FNIP1: variants seen among roughly 807,000 people sequenced by gnomAD.
FNIP1 encodes the protein folliculin interacting protein 1, also known as folliculin-interacting protein 1.
FNIP1 carries 40 observed loss-of-function variants against 124.5 expected under a neutral mutation model. The observed-to-expected ratio is 0.32, with a 90% CI of 0.25 to 0.42. The LOEUF (loss-of-function observed/expected upper bound fraction) is 0.42. Ranked by LOEUF, FNIP1 falls within the 10% of genes least tolerant of loss-of-function variation. The pLI is 1.00. For missense variants in FNIP1, 1,176 were observed against 1,403.7 expected (o/e 0.84, Z 2.59); for synonymous variants, 472 against 470.6 (o/e 1.00, Z -0.04).
chr5:131,690,092 G>A (rs1407227924), intron 11 of FNIP1, among the ~76,000 whole-genome samples: 5 of 151,950 alleles, frequency 3.3e-5, no homozygotes, highest in Admixed American at 6.6e-5. Flanking sequence ...GCATGGTGGC[G>A]GGTGCCTGGA....
At chr5:131,673,051 G>GTTTT in intron 13 of FNIP1, 127 bp from the exon 14 acceptor site, 7 of 482,174 alleles carry the variant, frequency 1.5e-5, no homozygotes, top group South Asian at 4.1e-5. Flanking sequence ...TCGTTTTTTT[G>GTTTT]TTTTTTTTTT....
rs544752057 is a variant in FNIP1 at position 131,648,001 on chromosome 5, T to C, written c.3307-796A>G. On this transcript the variant is annotated intron_variant, in intron 16 of 17. Coordinates refer to ENST00000510461, the MANE Select transcript of FNIP1 (RefSeq NM_133372.3). ...GTTTGCAAAAGTTCACAAAGAATGC[T>C]ATGTGGTTCCCCAATTTCTAAGCTG... 4.5e-4 allele frequency among the ~76,000 whole-genome samples: 68 copies of C among 151,934 alleles called. 1 individual carries two copies. The highest frequency in any genetic ancestry group is 1.8e-4 in the Non-Finnish European group (12 of 67,984).
chr5:131,713,100 G>A (rs957407334), intron 6 of FNIP1, among the ~76,000 whole-genome samples: 1 of 152,054 alleles, frequency 6.6e-6, no homozygotes, highest in East Asian at 1.9e-4. Context: ...TCAGGCTGGA[G>A]TGCAGTGGCA....
chr5:131,778,744 C>G (rs1405052314), intron 1 of FNIP1, among the ~76,000 whole-genome samples: 8 of 115,050 alleles, frequency 7.0e-5, no homozygotes, highest in South Asian at 3.1e-4. Flanking sequence ...TTGGAACCAA[C>G]CCAAATGTCC....
chr5:131,719,857 A>G (rs1769598838), intron 3 of FNIP1, among the ~76,000 whole-genome samples: 1 of 152,234 alleles, frequency 6.6e-6, no homozygotes, highest in Non-Finnish European at 1.5e-5. Context: ...TGTATATAAG[A>G]AGCATCCATA....
chr5:131,728,096 G>A (rs987128175), intron 3 of FNIP1, among the ~76,000 whole-genome samples: 5 of 151,894 alleles, frequency 3.3e-5, no homozygotes, highest in African/African-American at 7.3e-5. Context: ...GTTTCTCTCC[G>A]GCTGCCCTTA....
chr5:131,651,270 G>A (rs565777845), intron 16 of FNIP1, among the ~76,000 whole-genome samples: 2 of 152,290 alleles, frequency 1.3e-5, no homozygotes, highest in African/African-American at 2.4e-5. Context: ...GCACGTGCCT[G>A]TAGTTCCTCC....
intron 11 of FNIP1, among the ~76,000 whole-genome samples, chr5:131,693,774 TAAG>T (rs1768595821): frequency 6.6e-6 from 1 of 151,952 alleles, no homozygotes; most frequent in Non-Finnish European, 1.5e-5. Context: ...GACACTATTA[TAAG>T]AAGAAGCCAC....
chr5:131,726,862 G>C (rs1380386113), intron 3 of FNIP1, among the ~76,000 whole-genome samples: 1 of 151,848 alleles, frequency 6.6e-6, no homozygotes, highest in African/African-American at 2.4e-5. Context: ...GGTATGGTGT[G>C]TCTTTGTTCA....
intron 1 of FNIP1, among the ~76,000 whole-genome samples, chr5:131,765,678 T>C (rs978077991): frequency 6.6e-6 from 1 of 152,272 alleles, no homozygotes; most frequent in Non-Finnish European, 1.5e-5. Context: ...TCTGTTCCAA[T>C]GGTTTATCTT....
intron 1 of FNIP1, among the ~76,000 whole-genome samples, chr5:131,785,737 G>A (rs1772193166): frequency 6.6e-6 from 1 of 152,134 alleles, no homozygotes; most frequent in East Asian, 1.9e-4. Context: ...GGGTGCAGTG[G>A]TATACACTTG....
rs77483836 is a variant in FNIP1, at chr5:131,646,942, T to C, written c.3422+148A>G. Reference sequence around the variant, plus strand: ...TAGTGGATGACAGGGAACCTGCTATTACATGGTACAGGGCAACCTAAATGA... The same window carrying C: ...TAGTGGATGACAGGGAACCTGCTATCACATGGTACAGGGCAACCTAAATGA... On this transcript the variant is annotated intron_variant, in intron 17 of 17. Transcript: ENST00000510461. 4,983 of 631,222 alleles carry C rather than the reference T, an allele frequency of 7.9e-3. 32 individuals are homozygous for C. The highest frequency in any genetic ancestry group is 0.011 in the Non-Finnish European group (3,741 of 354,528). 39.1% of individuals were successfully genotyped at this position (631,222 alleles called of 1,614,324 possible). A position where few individuals can be genotyped will look rare whatever the true frequency, so the allele number is the denominator to read the frequency against.
At position 131,671,545 on chromosome 5, in the gene FNIP1, G is replaced by C; in HGVS notation, c.2899C>G (p.Gln967Glu). The C allele has an allele frequency of 1.2e-6, 2 of 1,612,526 alleles. No individual in the cohort carries two copies. The highest frequency in any genetic ancestry group is 1.7e-6 in the Non-Finnish European group (2 of 1,179,922). The change falls in exon 14 of 18, where the codon CAA (glutamine) becomes GAA (glutamate). Residue 967 changes from glutamine to glutamate, a missense_variant. Physicochemically the swap from Gln to Glu is conservative, Grantham distance 29 (BLOSUM62 2). Transcript: ENST00000510461. Reference sequence around the variant, plus strand: ...TCATCCTCTTCTGCCCAATCTTCTTGCTCTCCTCCATAATAACTGCTAACT... The same window carrying C: ...TCATCCTCTTCTGCCCAATCTTCTTCCTCTCCTCCATAATAACTGCTAACT... ...RQVSSYYGGEQEDWAEEDEIP... is the reference protein window; with the variant it reads ...RQVSSYYGGEEEDWAEEDEIP...
intron 1 of FNIP1, among the ~76,000 whole-genome samples, chr5:131,745,289 T>C (rs972911599): frequency 6.6e-6 from 1 of 152,026 alleles, no homozygotes; most frequent in East Asian, 1.9e-4. Context: ...GAGTTCAAGG[T>C]AGGAGGATCA....
intron 1 of FNIP1, among the ~76,000 whole-genome samples, chr5:131,745,471 G>T (rs2149561312): frequency 6.6e-6 from 1 of 152,152 alleles, no homozygotes; most frequent in Non-Finnish European, 1.5e-5. Context: ...AGCAAGCTGT[G>T]ATCATGCCAC....
rs1158605314 is a variant in FNIP1, at chr5:131,643,476, T to C, written c.*1209A>G. 6.5e-6 allele frequency: 1 copy of C among 152,734 alleles called. No individual in the cohort carries two copies. The highest frequency in any genetic ancestry group is 2.1e-4 in the South Asian group (1 of 4,822). The allele number at this position is 152,734 out of a possible 1,614,324, so 9.5% of individuals were successfully genotyped here. A position where few individuals can be genotyped will look rare whatever the true frequency, so the allele number is the denominator to read the frequency against. ...GTAGTACTCAAGTAAACTGAGGTAGTAGAAAGTATTGAAAACTTTATCCAC... is the reference window on the plus strand; with the variant it reads ...GTAGTACTCAAGTAAACTGAGGTAGCAGAAAGTATTGAAAACTTTATCCAC... On this transcript the variant is annotated 3_prime_UTR_variant, in exon 18 of 18. Transcript: ENST00000510461.
intron 1 of FNIP1, among the ~76,000 whole-genome samples, chr5:131,773,938 T>C (rs1771722391): frequency 6.6e-6 from 1 of 152,216 alleles, no homozygotes; most frequent in African/African-American, 2.4e-5. Context: ...CCCAGTACAG[T>C]GGCTGGCATT....
intron 2 of FNIP1, among the ~76,000 whole-genome samples, chr5:131,731,851 T>TA (rs141275627): frequency 0.087 from 13,180 of 152,132 alleles, 1,249 homozygotes; most frequent in African/African-American, 0.24. Context: ...AACACTGTTA[T>TA]AAAAAATAAC....
chr5:131,706,644 T>C (rs1580772107), intron 8 of FNIP1, 98 bp from the exon 9 acceptor site: 1 of 1,264,936 alleles, frequency 7.9e-7, no homozygotes, highest in Non-Finnish European at 1.0e-6. Context: ...AGTTAAACTT[T>C]ATTTTGCTTC....
Sources: gnomAD v4.1 joint callset for allele counts (sites outside exome capture counted in the v4.1 genomes callset) on GRCh38, gnomAD v4.1.1 for gene constraint, MANE v1.5 for transcripts, NCBI Gene and HGNC (gene_info 2026-07-23, HGNC 2026-07-21) for gene names.